DLG2: variants seen among roughly 807,000 people sequenced by gnomAD.
DLG2 encodes discs large MAGUK scaffold protein 2, also known as disks large homolog 2.
In DLG2, 45 loss-of-function variants were observed where a neutral mutation model predicts 132.5. The observed-to-expected ratio is 0.34, with a 90% confidence interval of 0.27 to 0.44. DLG2 has a LOEUF of 0.44. Ranked by LOEUF, DLG2 falls within the 20% of genes least tolerant of loss-of-function variation. DLG2 has a pLI of 1.00. For missense variants in DLG2, 1,045 were observed against 1,196.9 expected (o/e 0.87, Z 1.87); for synonymous variants, 424 against 419.6 (o/e 1.01, Z -0.13).
At chr11:85,555,807 A>T (rs1305815430) in intron 3 of DLG2, among the ~76,000 whole-genome samples, 3 of 151,846 alleles carry the variant, frequency 2.0e-5, no homozygotes, top group Admixed American at 2.0e-4. Context: ...CACCTCCCTC[A>T]GAGATGAGAG....
intron 6 of DLG2, among the ~76,000 whole-genome samples, chr11:84,982,500 A>G (rs369708464): frequency 8.5e-5 from 13 of 152,148 alleles, no homozygotes; most frequent in Admixed American, 2.0e-4. Context: ...TATATTCTTA[A>G]GTTAATCAGT....
chr11:84,945,625 G>C (rs1339651462), intron 6 of DLG2, among the ~76,000 whole-genome samples: 1 of 152,166 alleles, frequency 6.6e-6, no homozygotes, highest in Admixed American at 6.5e-5. Flanking sequence ...AATCCAGCTA[G>C]GCTTATGGCC....
chr11:84,273,206 T>C (rs777100761), intron 7 of DLG2: 1 of 1,571,886 alleles, frequency 6.4e-7, no homozygotes, highest in Non-Finnish European at 8.6e-7. Context: ...AGCAATAGTA[T>C]CCCACAAAAG....
At chr11:83,586,523 T>C (rs1308768493) in intron 19 of DLG2, among the ~76,000 whole-genome samples, 2 of 152,202 alleles carry the variant, frequency 1.3e-5, no homozygotes, top group African/African-American at 4.8e-5. Context: ...TATCAGCGTA[T>C]TAGGTTCTTT....
chr11:84,982,795 T>C (rs1364151321), intron 6 of DLG2, among the ~76,000 whole-genome samples: 1 of 151,942 alleles, frequency 6.6e-6, no homozygotes, highest in Non-Finnish European at 1.5e-5. Context: ...AAAAAATCAA[T>C]ATGGTACATC....
chr11:85,104,108 G>C (rs528259456), intron 6 of DLG2, among the ~76,000 whole-genome samples: 1 of 151,962 alleles, frequency 6.6e-6, no homozygotes, highest in East Asian at 1.9e-4. Flanking sequence ...TATATTGCTA[G>C]AAGGAATGTA....
intron 3 of DLG2, among the ~76,000 whole-genome samples, chr11:85,506,943 G>A (rs907882060): frequency 2.0e-5 from 3 of 152,186 alleles, no homozygotes; most frequent in Non-Finnish European, 2.9e-5. Flanking sequence ...AGTTCTTCTT[G>A]TCGAATTGAT....
intron 3 of DLG2, among the ~76,000 whole-genome samples, chr11:85,460,128 C>T (rs1471149507): frequency 4.6e-5 from 7 of 152,194 alleles, no homozygotes; most frequent in Admixed American, 4.6e-4. Flanking sequence ...CACTGGGCCT[C>T]ATCCTGTGAA....
chr11:84,107,009 T>TGAGAGAGA (rs1342359588), intron 9 of DLG2, among the ~76,000 whole-genome samples: 29 of 29,168 alleles, frequency 9.9e-4, no homozygotes, highest in Non-Finnish European at 2.1e-3. Flanking sequence ...TGTGTGTGTG[T>TGAGAGAGA]GTGTGAGAGA....
chr11:85,016,786 T>C (rs1251167476), intron 6 of DLG2, among the ~76,000 whole-genome samples: 2 of 152,136 alleles, frequency 1.3e-5, no homozygotes, highest in East Asian at 3.9e-4. Context: ...TAGATAGCCC[T>C]CAGTCTCCTA....
intron 6 of DLG2, among the ~76,000 whole-genome samples, chr11:84,746,740 A>T (rs966058629): frequency 2.6e-5 from 4 of 152,230 alleles, no homozygotes; most frequent in Admixed American, 2.6e-4. Context: ...TGCTTAAACA[A>T]TAAGAATATT....
chr11:83,633,078 CA>C, intron 19 of DLG2, 132 bp downstream of exon 19: 2 of 689,358 alleles, frequency 2.9e-6, no homozygotes, highest in East Asian at 2.7e-5. Flanking sequence ...TGCTTAAACA[CA>C]AGGTCTTTCA....
intron 3 of DLG2, among the ~76,000 whole-genome samples, chr11:85,326,490 T>A (rs1022334663): frequency 6.4e-5 from 7 of 108,654 alleles, no homozygotes; most frequent in Non-Finnish European, 1.3e-4. Flanking sequence ...AGAAAAGAAT[T>A]TTCCACCCAG....
chr11:85,096,008 T>G (rs1036864208), intron 6 of DLG2, among the ~76,000 whole-genome samples: 15 of 152,184 alleles, frequency 9.9e-5, no homozygotes, highest in Non-Finnish European at 1.5e-4. Context: ...ATCAGCACTC[T>G]GTAAAATAGC....
intron 7 of DLG2, among the ~76,000 whole-genome samples, chr11:84,310,726 C>G (rs943258771): frequency 6.6e-6 from 1 of 152,208 alleles, no homozygotes; most frequent in African/African-American, 2.4e-5. Context: ...AAGGGGCTGC[C>G]TTTCTAAGAG....
Position 83,509,700 on chromosome 11 carries a change from A to T in DLG2, c.2193+23008T>A, listed in dbSNP as rs2094910227. On this transcript the variant is annotated intron_variant, in intron 21 of 27. Coordinates refer to ENST00000376104, the MANE Select transcript of DLG2 (RefSeq NM_001142699.3). ...TGTAAGTAATGGGTTATAGACAAAGAACATCCAGGTTGAATAGATTTATTT... is the reference window on the plus strand; with the variant it reads ...TGTAAGTAATGGGTTATAGACAAAGTACATCCAGGTTGAATAGATTTATTT... 2.0e-5 allele frequency among the ~76,000 whole-genome samples: 3 copies of T among 152,252 alleles called. No individual in the cohort carries two copies. The South Asian group carries it at 6.2e-4, about 32-fold the overall frequency.
At chr11:83,816,831 T>C (rs1181808925) in intron 17 of DLG2, among the ~76,000 whole-genome samples, 2 of 152,228 alleles carry the variant, frequency 1.3e-5, no homozygotes, top group South Asian at 2.1e-4. Flanking sequence ...GTTTCTCATT[T>C]TGATTTTTGA....
rs192386340 is a variant in DLG2 at position 83,510,902 on chromosome 11, A to C, written c.2193+21806T>G. On this transcript the variant is annotated intron_variant, in intron 21 of 27. Transcript: ENST00000376104. ...GCTAAACTTGGAATACTAGCTGATA[A>C]AAGTATATATCCTCACTTGGCTAGG... Among the ~76,000 whole-genome samples, 4 of 144,592 alleles carry C rather than the reference A, an allele frequency of 2.8e-5. No homozygotes were observed. In the Admixed American group the frequency reaches 2.8e-4, roughly 10 times the overall value. 94.9% of individuals were successfully genotyped at this position (144,592 alleles called of 152,430 possible). A position where few individuals can be genotyped will look rare whatever the true frequency, so the allele number is the denominator to read the frequency against.
At chr11:84,476,161 A>C (rs1235801676) in intron 7 of DLG2, among the ~76,000 whole-genome samples, 1 of 152,146 alleles carries the variant, frequency 6.6e-6, no homozygotes, top group Non-Finnish European at 1.5e-5. Flanking sequence ...AGAAGTTAGG[A>C]AACTTGTTCA....
Sources: gnomAD v4.1 joint callset for allele counts (sites outside exome capture counted in the v4.1 genomes callset) on GRCh38, gnomAD v4.1.1 for gene constraint, MANE v1.5 for transcripts, NCBI Gene and HGNC (gene_info 2026-07-23, HGNC 2026-07-21) for gene names.